Variants in CEP170 observed in about 807,000 individuals in gnomAD.
CEP170 encodes centrosomal protein of 170 kDa.
In CEP170, 21 loss-of-function variants were observed where a neutral mutation model predicts 151.9. The ratio of observed to expected loss-of-function variants is 0.14; its 90% CI spans 0.10 to 0.20. CEP170 has a LOEUF of 0.20. Ranked by LOEUF, CEP170 falls within the 10% of genes least tolerant of loss-of-function variation. The pLI, the probability that CEP170 is intolerant of heterozygous loss-of-function variation, is 1.00. For missense variants in CEP170, 964 were observed against 1,892.9 expected (o/e 0.51, Z 9.11); for synonymous variants, 356 against 648.8 (o/e 0.55, Z 6.86).
At chr1:243,238,257 C>T (rs2064442340) in intron 1 of CEP170, among the ~76,000 whole-genome samples, 1 of 152,018 alleles carries the variant, frequency 6.6e-6, no homozygotes, top group Non-Finnish European at 1.5e-5. Context: ...CAGGACCAAC[C>T]TAGGCAACAA....
intron 1 of CEP170, chr1:243,253,169 T>G (rs1198267664): frequency 6.6e-6 from 1 of 152,204 alleles, no homozygotes; most frequent in Non-Finnish European, 1.5e-5. Flanking sequence ...AAAGCACATG[T>G]TAGGACATCT....
chr1:243,216,133 A>C (rs1311209872), intron 3 of CEP170, among the ~76,000 whole-genome samples: 2 of 152,206 alleles, frequency 1.3e-5, no homozygotes, highest in Non-Finnish European at 2.9e-5. Flanking sequence ...GCAGACATCA[A>C]ATAAACACCC....
chr1:243,250,130 A>G (rs1232358624), intron 1 of CEP170, among the ~76,000 whole-genome samples: 3 of 152,136 alleles, frequency 2.0e-5, no homozygotes, highest in Non-Finnish European at 4.4e-5. Flanking sequence ...AAAAAAACCC[A>G]TCCGAATGGT....
At chr1:243,156,573 T>C in intron 13 of CEP170, 118 bp from the exon 14 acceptor site, 2 of 903,090 alleles carry the variant, frequency 2.2e-6, no homozygotes, top group Non-Finnish European at 3.2e-6. Flanking sequence ...TTTCAATAAC[T>C]GACGTACACA....
chr1:243,146,544 T>G (rs1335968947), intron 14 of CEP170, among the ~76,000 whole-genome samples: 1 of 152,070 alleles, frequency 6.6e-6, no homozygotes, highest in Non-Finnish European at 1.5e-5. Flanking sequence ...AAAAACAAAT[T>G]TTGTTTCATT....
chr1:243,182,306 T>TAA lies in CEP170; in HGVS notation c.1566+3471_1566+3472dup, dbSNP rs2059671534. On this transcript the variant is annotated intron_variant, in intron 10 of 19. Transcript: ENST00000366542. ...TTTCCCAGCCTGCAGAATTGTGAGCTAAACAAACCTCTTTTCTTGATAAGC... is the reference window on the plus strand; with the variant it reads ...TTTCCCAGCCTGCAGAATTGTGAGCTAAAAACAAACCTCTTTTCTTGATAAGC... 2.6e-5 allele frequency among the ~76,000 whole-genome samples: 4 copies of TAA among 152,200 alleles called. No homozygotes were observed. In the South Asian group the frequency reaches 8.3e-4, roughly 31 times the overall value.
At chr1:243,128,047 A>G (rs1364084631) in intron 19 of CEP170, among the ~76,000 whole-genome samples, 1 of 152,210 alleles carries the variant, frequency 6.6e-6, no homozygotes, top group African/African-American at 2.4e-5. Flanking sequence ...TGCCCAACAT[A>G]TATCTTTATT....
chr1:243,210,608 ATTTTTTTTTTTTTTT>A (rs751388751), intron 4 of CEP170, among the ~76,000 whole-genome samples: 1 of 67,942 alleles, frequency 1.5e-5, no homozygotes, highest in East Asian at 5.0e-4. Flanking sequence ...ATTTTTCGTA[ATTTTTTTTTTTTTTT>A]TTTTTTTTTT....
At chr1:243,154,504 AAAAC>A (rs945519441) in intron 14 of CEP170, among the ~76,000 whole-genome samples, 1 of 152,214 alleles carries the variant, frequency 6.6e-6, no homozygotes, top group African/African-American at 2.4e-5. Context: ...TTCTCCACAT[AAAAC>A]AAACAAAAAA....
chr1:243,201,347 G>A (rs1220760917), intron 4 of CEP170, among the ~76,000 whole-genome samples: 3 of 152,062 alleles, frequency 2.0e-5, no homozygotes, highest in African/African-American at 7.2e-5. Flanking sequence ...CCACAACCAT[G>A]ACTGTTCCCC....
intron 1 of CEP170, among the ~76,000 whole-genome samples, chr1:243,245,150 ATGTGT>A (rs1350618552): frequency 6.6e-6 from 1 of 152,156 alleles, no homozygotes; most frequent in Non-Finnish European, 1.5e-5. Context: ...AATATAATGT[ATGTGT>A]GCAAAAGGCA....
chr1:243,161,367 G>A (rs1458016044), intron 13 of CEP170, among the ~76,000 whole-genome samples: 1 of 150,646 alleles, frequency 6.6e-6, no homozygotes, highest in Non-Finnish European at 1.5e-5. Context: ...TAAACTCCTA[G>A]AAGCAAATTG....
intron 1 of CEP170, among the ~76,000 whole-genome samples, chr1:243,230,231 G>A (rs2063617408): frequency 6.6e-6 from 1 of 152,056 alleles, no homozygotes. Context: ...GCATCCAGGA[G>A]GTTGAAGCTG....
chr1:243,148,932 A>G (rs2056801928), intron 14 of CEP170, among the ~76,000 whole-genome samples: 2 of 152,248 alleles, frequency 1.3e-5, no homozygotes, highest in African/African-American at 4.8e-5. Context: ...AGTTACACTG[A>G]GCCACAAAAG....
intron 1 of CEP170, among the ~76,000 whole-genome samples, chr1:243,228,247 T>C (rs1452274733): frequency 6.6e-6 from 1 of 152,178 alleles, no homozygotes; most frequent in South Asian, 2.1e-4. Flanking sequence ...TATACACACA[T>C]GAAAAAACAA....
chr1:243,179,207 A>G (rs2059458322), intron 10 of CEP170, among the ~76,000 whole-genome samples: 1 of 152,168 alleles, frequency 6.6e-6, no homozygotes, highest in Admixed American at 6.5e-5. Flanking sequence ...AATTATACTT[A>G]GATCTCATCT....
intron 14 of CEP170, among the ~76,000 whole-genome samples, chr1:243,148,648 A>G (rs1319152367): frequency 1.3e-5 from 2 of 152,234 alleles, no homozygotes; most frequent in Non-Finnish European, 2.9e-5. Context: ...ATGATCTCAC[A>G]GTACAATAAA....
chr1:243,218,849 T>A (rs563734468), intron 3 of CEP170, among the ~76,000 whole-genome samples: 10 of 152,304 alleles, frequency 6.6e-5, no homozygotes, highest in East Asian at 3.9e-4. Flanking sequence ...TTCTATTTTT[T>A]AAAAAATTGA....
chr1:243,247,901 A>T lies in CEP170; in HGVS notation c.-42+7139T>A, dbSNP rs117759036. Among the ~76,000 whole-genome samples, 3 of 152,330 alleles carry T rather than the reference A, an allele frequency of 2.0e-5. No homozygotes were observed. In the East Asian group the frequency reaches 5.8e-4, roughly 29 times the overall value. ...ATTATACCTTTCATTTGGTTTTTAC[A>T]TCTACCTCGTTTGGCTACCACAATA... is the stretch of plus-strand genomic sequence containing the variant. On this transcript the variant is annotated intron_variant, in intron 1 of 19. Coordinates refer to ENST00000366542, the MANE Select transcript of CEP170 (RefSeq NM_014812.3).
Sources: allele counts gnomAD v4.1 joint callset (sites outside exome capture counted in the v4.1 genomes callset), GRCh38; gene constraint gnomAD v4.1.1; transcripts MANE v1.5; gene names NCBI Gene and HGNC (gene_info 2026-07-23, HGNC 2026-07-21).